Variants in ATP8A2 observed in about 807,000 individuals in gnomAD.
ATP8A2 encodes the protein ATPase phospholipid transporting 8A2, also known as phospholipid-transporting ATPase IB.
ATP8A2 carries 100 observed loss-of-function variants against 165.6 expected under a neutral mutation model. The ratio of observed to expected loss-of-function variants is 0.60; its 90% confidence interval spans 0.51 to 0.71. ATP8A2 has a LOEUF of 0.71. Among genes scored for constraint, ATP8A2 ranks in the 30% least tolerant of loss-of-function variants. ATP8A2 has a pLI of 0.00. For missense variants in ATP8A2, 1,227 were observed against 1,479.5 expected (o/e 0.83, Z 2.80); for synonymous variants, 543 against 548.8 (o/e 0.99, Z 0.15).
chr13:25,545,505 TC>T lies in ATP8A2; in HGVS notation c.891+2104del, dbSNP rs1327996972. 6.7e-5 allele frequency among the ~76,000 whole-genome samples: 10 copies of T among 150,318 alleles called. No individual in the cohort carries two copies. In the East Asian group the frequency reaches 1.9e-3, roughly 29 times the overall value. On this transcript the variant is annotated intron_variant, in intron 10 of 36. Transcript: ENST00000381655. ...CTGGGTGACATAGTGAGACCCCATT[TC>T]AAAAAAAAAAATAGTTTAGTACCCT...
At chr13:25,457,117 A>C (rs1483082465) in intron 1 of ATP8A2, among the ~76,000 whole-genome samples, 9 of 152,302 alleles carry the variant, frequency 5.9e-5, no homozygotes, top group South Asian at 2.1e-4. Flanking sequence ...AGAATACGTT[A>C]ATCTTTAGTA....
chr13:25,800,924 G>A (rs1175053848), intron 27 of ATP8A2, among the ~76,000 whole-genome samples: 1 of 152,126 alleles, frequency 6.6e-6, no homozygotes, highest in Non-Finnish European at 1.5e-5. Flanking sequence ...TCTGAGCAGA[G>A]GCAGCAGAAA....
chr13:25,929,477 C>G lies in ATP8A2; in HGVS notation c.3184-32098C>G, dbSNP rs975522233. 2.6e-5 allele frequency among the ~76,000 whole-genome samples: 4 copies of G among 152,186 alleles called. No individual in the cohort carries two copies. In the East Asian group the frequency reaches 7.7e-4, roughly 29 times the overall value. On this transcript the variant is annotated intron_variant, in intron 33 of 36. Transcript: ENST00000381655. ...ACAAATCAACCACTGTTTGTTTGAG[C>G]CACTGTTTGCCGAATTTTTAGTTAC... is the stretch of plus-strand genomic sequence containing the variant.
intron 25 of ATP8A2, among the ~76,000 whole-genome samples, chr13:25,716,716 C>G (rs3117862): frequency 6.6e-6 from 1 of 152,042 alleles, no homozygotes; most frequent in African/African-American, 2.4e-5. Flanking sequence ...GCTCTTATTA[C>G]GTGTAAAACA....
chr13:25,996,945 A>G (rs1956522408), intron 35 of ATP8A2, among the ~76,000 whole-genome samples: 1 of 152,176 alleles, frequency 6.6e-6, no homozygotes, highest in Non-Finnish European at 1.5e-5. Context: ...CGGCCTCCCA[A>G]AATGCTGGGA....
intron 27 of ATP8A2, among the ~76,000 whole-genome samples, chr13:25,800,452 A>G (rs1242712464): frequency 1.3e-5 from 2 of 152,212 alleles, no homozygotes; most frequent in African/African-American, 4.8e-5. Context: ...ATCTTGAATC[A>G]GGCCCAGATA....
chr13:25,803,650 A>G (rs1950667565), intron 27 of ATP8A2, among the ~76,000 whole-genome samples: 1 of 152,218 alleles, frequency 6.6e-6, no homozygotes, highest in Admixed American at 6.5e-5. Context: ...ATATGTTAGT[A>G]TTGAAGTTCT....
At position 25,579,528 on chromosome 13, in the gene ATP8A2, A is replaced by G. The variant is rs116441126; in HGVS notation, c.1868-280A>G. On this transcript the variant is annotated intron_variant, in intron 21 of 36. Coordinates refer to ENST00000381655, the MANE Select transcript of ATP8A2 (RefSeq NM_016529.6). ...CTGCTTGCTGAAACCTGTTTACTGC[A>G]CATGGATCATGCACAGCTCCCGAAC... Among the ~76,000 whole-genome samples, 1,204 of 152,252 alleles carry G rather than the reference A, an allele frequency of 7.9e-3. 14 individuals carry two copies. Among genetic ancestry groups the G allele is most frequent in the African/African-American group, 0.027 (1,126 of 41,534 alleles).
At chr13:25,570,917 C>A in intron 17 of ATP8A2, 45 bp downstream of exon 17, 2 of 1,390,594 alleles carry the variant, frequency 1.4e-6, no homozygotes, top group Non-Finnish European at 2.0e-6. Flanking sequence ...CTTCTCAGGA[C>A]ACCTGGGTGT....
At chr13:25,884,686 A>G (rs1255478352) in intron 33 of ATP8A2, among the ~76,000 whole-genome samples, 1 of 152,184 alleles carries the variant, frequency 6.6e-6, no homozygotes, top group Admixed American at 6.5e-5. Context: ...CTGTTACTCT[A>G]ACCTTGGCCT....
intron 23 of ATP8A2, among the ~76,000 whole-genome samples, chr13:25,582,820 C>T (rs940642670): frequency 6.6e-6 from 1 of 152,174 alleles, no homozygotes; most frequent in African/African-American, 2.4e-5. Flanking sequence ...TCAGCTTTGT[C>T]TCTCATGTAA....
intron 24 of ATP8A2, among the ~76,000 whole-genome samples, chr13:25,615,889 T>C (rs970836446): frequency 6.6e-6 from 1 of 152,184 alleles, no homozygotes; most frequent in Admixed American, 6.5e-5. Context: ...CACAGTTTTT[T>C]AGCTGTCTCC....
At chr13:25,547,883 G>T (rs1422483338) in intron 10 of ATP8A2, among the ~76,000 whole-genome samples, 1 of 152,096 alleles carries the variant, frequency 6.6e-6, no homozygotes, top group African/African-American at 2.4e-5. Flanking sequence ...GGTTCTTCAA[G>T]AATTTTATGG....
chr13:25,871,825 G>A (rs1444024838), intron 33 of ATP8A2, among the ~76,000 whole-genome samples: 1 of 152,152 alleles, frequency 6.6e-6, no homozygotes, highest in African/African-American at 2.4e-5. Flanking sequence ...GCTTGTGTCT[G>A]TGCTTGTATG....
chr13:25,946,975 T>G (rs1256315894), intron 33 of ATP8A2, among the ~76,000 whole-genome samples: 1 of 152,212 alleles, frequency 6.6e-6, no homozygotes, highest in Non-Finnish European at 1.5e-5. Context: ...CTTGAACTTC[T>G]GGCCTCAGGT....
Position 25,540,405 on chromosome 13 carries a change from T to G in ATP8A2, c.651+17T>G. On this transcript the variant is annotated intron_variant, in intron 8 of 36. Coordinates refer to ENST00000381655, the MANE Select transcript of ATP8A2 (RefSeq NM_016529.6). ...ATACGTCAGGTAAAGTCACCTCTGA[T>G]GACTTGTGTTGTTATGGTAGACACA... 1 of 1,573,870 alleles carries G rather than the reference T, an allele frequency of 6.4e-7. No homozygotes were observed. The highest frequency in any genetic ancestry group is 8.7e-7 in the Non-Finnish European group (1 of 1,143,386).
intron 1 of ATP8A2, among the ~76,000 whole-genome samples, chr13:25,384,971 G>A (rs187287790): frequency 2.6e-5 from 4 of 152,158 alleles, no homozygotes; most frequent in Non-Finnish European, 4.4e-5. Flanking sequence ...TGCACCAGTG[G>A]CTGCTTTGCT....
intron 33 of ATP8A2, among the ~76,000 whole-genome samples, chr13:25,954,938 T>C (rs1028394180): frequency 6.6e-6 from 1 of 152,164 alleles, no homozygotes; most frequent in African/African-American, 2.4e-5. Flanking sequence ...AGAATGCCTC[T>C]TCTCCTCCAA....
chr13:25,724,332 T>C (rs1013613308), intron 25 of ATP8A2, among the ~76,000 whole-genome samples: 2 of 152,196 alleles, frequency 1.3e-5, no homozygotes, highest in African/African-American at 4.8e-5. Flanking sequence ...TCACCATCAC[T>C]GTCACTAACA....
Sources: allele counts gnomAD v4.1 joint callset (sites outside exome capture counted in the v4.1 genomes callset), GRCh38; gene constraint gnomAD v4.1.1; transcripts MANE v1.5; gene names NCBI Gene and HGNC (gene_info 2026-07-23, HGNC 2026-07-21).